Variants in GLIS3 observed in about 807,000 individuals in gnomAD.
GLIS3 encodes the protein GLIS family zinc finger 3, also known as zinc finger protein GLIS3.
GLIS3 carries 53 observed loss-of-function variants against 78.6 expected under a neutral mutation model. The observed-to-expected ratio is 0.67, with a 90% confidence interval of 0.54 to 0.85. The LOEUF is 0.85. Ranked by LOEUF, GLIS3 falls within the 40% of genes least tolerant of loss-of-function variation. GLIS3 has a pLI of 0.00. For synonymous variants in GLIS3, 684 were observed against 509.9 expected (o/e 1.34, Z -4.60); for missense variants, 1,703 against 1,231.1 (o/e 1.38, Z -5.74).
At chr9:4,346,221 A>G (rs13301381) in intron 2 of GLIS3, among the ~76,000 whole-genome samples, 29,260 of 152,214 alleles carry the variant, frequency 0.19, 2,985 homozygotes, top group East Asian at 0.33. Context: ...TAGGAATCCA[A>G]TAAGATTAGA....
intron 1 of GLIS3, among the ~76,000 whole-genome samples, chr9:4,294,752 T>A (rs531222797): frequency 6.6e-6 from 1 of 152,238 alleles, no homozygotes; most frequent in African/African-American, 2.4e-5. Context: ...AGCCCTTACA[T>A]GTACACAGAT....
chr9:4,339,357 T>G (rs111475650), intron 2 of GLIS3, among the ~76,000 whole-genome samples: 1 of 152,212 alleles, frequency 6.6e-6, no homozygotes, highest in African/African-American at 2.4e-5. Context: ...ATGAATTGTG[T>G]TCATGAAATA....
the GLIS3 span, among the ~76,000 whole-genome samples, chr9:4,485,138 C>T: frequency 2.0e-5 from 3 of 151,910 alleles, no homozygotes; most frequent in African/African-American, 4.8e-5. Context: ...CCTCAGGCTC[C>T]CGAGTAGCTG....
intron 4 of GLIS3, among the ~76,000 whole-genome samples, chr9:4,007,586 G>C (rs1476198313): frequency 1.3e-5 from 2 of 151,990 alleles, no homozygotes; most frequent in East Asian, 3.9e-4. Flanking sequence ...TAAGAAAAAA[G>C]CCTAAAGACA....
the GLIS3 span, among the ~76,000 whole-genome samples, chr9:4,397,736 A>AGG: frequency 5.6e-3 from 778 of 138,298 alleles, 10 homozygotes; most frequent in African/African-American, 0.022. Flanking sequence ...GAGGGAGGAA[A>AGG]AGAGGGAGAA....
At chr9:4,466,966 G>A in the GLIS3 span, among the ~76,000 whole-genome samples, 1 of 152,236 alleles carries the variant, frequency 6.6e-6, no homozygotes, top group Non-Finnish European at 1.5e-5. Context: ...CTTAGCAAAT[G>A]GCACACCAGA....
At chr9:4,450,946 G>C in the GLIS3 span, among the ~76,000 whole-genome samples, 1 of 152,098 alleles carries the variant, frequency 6.6e-6, no homozygotes, top group African/African-American at 2.4e-5. Flanking sequence ...ATCAACTAAC[G>C]GGTAAAATAA....
chr9:4,171,573 G>A (rs1169742269), intron 2 of GLIS3, among the ~76,000 whole-genome samples: 1 of 152,170 alleles, frequency 6.6e-6, no homozygotes, highest in African/African-American at 2.4e-5. Flanking sequence ...TTTCGTTAAA[G>A]GATTTATCTT....
chr9:3,994,689 C>T (rs1820600940), intron 4 of GLIS3, among the ~76,000 whole-genome samples: 1 of 152,278 alleles, frequency 6.6e-6, no homozygotes, highest in East Asian at 1.9e-4. Context: ...CTGATGTCAG[C>T]CTGTGCTCAA....
At chr9:4,015,199 A>G (rs1822336515) in intron 4 of GLIS3, among the ~76,000 whole-genome samples, 7 of 152,350 alleles carry the variant, frequency 4.6e-5, no homozygotes, top group East Asian at 1.9e-4. Flanking sequence ...TGACCATGGC[A>G]TGGAAGGCCG....
chr9:4,197,216 G>A (rs183359984), intron 2 of GLIS3, among the ~76,000 whole-genome samples: 3 of 151,994 alleles, frequency 2.0e-5, no homozygotes, highest in African/African-American at 7.2e-5. Context: ...ACATGGACTA[G>A]GAGCCTGAGT....
intron 2 of GLIS3, among the ~76,000 whole-genome samples, chr9:4,265,798 C>A (rs1403054740): frequency 6.6e-6 from 1 of 152,168 alleles, no homozygotes; most frequent in African/African-American, 2.4e-5. Context: ...GTTTTCCCCT[C>A]TAAAGATGAT....
intron 2 of GLIS3, among the ~76,000 whole-genome samples, chr9:4,270,824 C>T (rs183601920): frequency 5.9e-5 from 9 of 152,248 alleles, no homozygotes. Context: ...GGTAAGACTT[C>T]TCAGCCTCCT....
chr9:4,207,389 C>G (rs938759840), intron 2 of GLIS3, among the ~76,000 whole-genome samples: 92 of 152,196 alleles, frequency 6.0e-4, no homozygotes, highest in African/African-American at 2.2e-3. Flanking sequence ...GTGATTTATG[C>G]TCCTCCACTG....
chr9:4,449,365 C>G, the GLIS3 span, among the ~76,000 whole-genome samples: 1 of 152,236 alleles, frequency 6.6e-6, no homozygotes, highest in Non-Finnish European at 1.5e-5. Context: ...GGCCTGCTGC[C>G]TCTGTAGACC....
At position 3,829,387 on chromosome 9, in the gene GLIS3, C is replaced by G. The variant is rs758277741; in HGVS notation, c.2579G>C (p.Cys860Ser). Residue 860 changes from cysteine (C) to serine (S), a missense_variant, in exon 10 of 11, where the codon TGC becomes TCC. Physicochemically the swap from Cys to Ser is moderately radical, Grantham distance 112. Coordinates refer to ENST00000381971, the MANE Select transcript of GLIS3 (RefSeq NM_001042413.2). The stretch of plus-strand genomic sequence containing the variant: ...CTGGCCCATGGATGTAGGGACTAGG[C>G]AGTCCTCAAACGAAGGCACCACACT... ...SCSVVPSFED[C>S]LVPTSMGQAS... is the part of the protein sequence containing the mutation. 1.2e-6 allele frequency: 2 copies of G among 1,614,064 alleles called. No homozygotes were observed. The highest frequency in any genetic ancestry group is 4.5e-5 in the East Asian group (2 of 44,874).
At chr9:4,462,845 AT>A in the GLIS3 span, among the ~76,000 whole-genome samples, 7 of 152,214 alleles carry the variant, frequency 4.6e-5, no homozygotes, top group Non-Finnish European at 5.9e-5. Context: ...CTGGTCCTTC[AT>A]CCCAAATCGT....
At chr9:4,150,238 C>T (rs984430352) in intron 2 of GLIS3, among the ~76,000 whole-genome samples, 1 of 152,210 alleles carries the variant, frequency 6.6e-6, no homozygotes, top group African/African-American at 2.4e-5. Flanking sequence ...TTCTAAAATT[C>T]TGCCTCAGTA....
chr9:4,302,792 G>C (rs866403836), upstream of GLIS3, among the ~76,000 whole-genome samples: 1 of 152,196 alleles, frequency 6.6e-6, no homozygotes, highest in Non-Finnish European at 1.5e-5. Flanking sequence ...AGCATCTTGT[G>C]GTCAGTGTTA....
Sources: allele counts gnomAD v4.1 joint callset (sites outside exome capture counted in the v4.1 genomes callset), GRCh38; gene constraint gnomAD v4.1.1; transcripts MANE v1.5; gene names NCBI Gene and HGNC (gene_info 2026-07-23, HGNC 2026-07-21).